The following UMODL1 variants were observed in gnomAD, a reference collection of about 807,000 sequenced individuals.
UMODL1 encodes uromodulin like 1.
A neutral mutation model predicts 136.3 loss-of-function variants in UMODL1; 128 were observed. The observed-to-expected ratio is 0.94, with a 90% confidence interval of 0.81 to 1.09. UMODL1 has a LOEUF of 1.09. Among genes scored for constraint, UMODL1 ranks in the 50% least tolerant of loss-of-function variants. The pLI is 0.00. For synonymous variants in UMODL1, 721 were observed against 720.0 expected (o/e 1.00, Z -0.02); for missense variants, 1,766 against 1,725.6 (o/e 1.02, Z -0.41).
chr21:42,082,160 C>A (rs1335267299), intron 2 of UMODL1, among the ~76,000 whole-genome samples: 1 of 152,200 alleles, frequency 6.6e-6, no homozygotes, highest in African/African-American at 2.4e-5. Flanking sequence ...TCTGCATATT[C>A]CGTGACTCTG....
At chr21:42,080,591 A>G (rs547671425) in intron 2 of UMODL1, among the ~76,000 whole-genome samples, 10 of 152,390 alleles carry the variant, frequency 6.6e-5, no homozygotes, top group Non-Finnish European at 1.0e-4. Flanking sequence ...GAATGCGATG[A>G]CAACTGGTGC....
chr21:42,085,737 C>G lies in UMODL1; in HGVS notation c.603+325C>G, dbSNP rs542261228. On this transcript the variant is annotated intron_variant, in intron 4 of 22. Transcript: ENST00000408910. This position sits in a 1 kb window ranked among gnomAD's most constrained non-coding sequence, Gnocchi z 4.5. Reference sequence around the variant, plus strand: ...GCAGTCCCAGCAAAGACAGCCTAAGCCCCGAGCTCTTCCCTCACCACCCTC... The same window carrying G: ...GCAGTCCCAGCAAAGACAGCCTAAGGCCCGAGCTCTTCCCTCACCACCCTC... Among the ~76,000 whole-genome samples, 1 of 152,174 alleles carries G rather than the reference C, an allele frequency of 6.6e-6. No individual in the cohort carries two copies.
rs1185083953 is a variant in UMODL1, at chr21:42,074,194, C to T, written c.77-1811C>T. ...CTGCAGGAGTCTCTGCTCCGGGCCT[C>T]CAGCTTCTGGAGCTGCTGGCAATCT... On this transcript the variant is annotated intron_variant, in intron 1 of 22. Transcript: ENST00000408910. 1.9e-4 allele frequency among the ~76,000 whole-genome samples: 29 copies of T among 152,192 alleles called. 2 individuals are homozygous for T. Among genetic ancestry groups the T allele is most frequent in the Admixed American group, 1.9e-3 (29 of 15,278 alleles).
chr21:42,099,205 C>A lies in UMODL1; in HGVS notation c.1186+25C>A, dbSNP rs761207273. On this transcript the variant is annotated intron_variant, in intron 7 of 22. Transcript: ENST00000408910. This position sits in a 1 kb window ranked among gnomAD's most constrained non-coding sequence, Gnocchi z 4.1. ...AGTAAGGCCCCCAGTCAGAGACCCA[C>A]GTTAGCTTGCGAGCTTGTCTTTCTA... 6.2e-7 allele frequency: 1 copy of A among 1,602,584 alleles called. No homozygotes were observed.
chr21:42,136,140 T>A (rs942409730), intron 21 of UMODL1, among the ~76,000 whole-genome samples: 4 of 152,064 alleles, frequency 2.6e-5, no homozygotes, highest in African/African-American at 9.7e-5. Flanking sequence ...CCTGGGCTCA[T>A]AGGGGCCAGC....
chr21:42,134,231 CAT>C (rs1444183105), intron 21 of UMODL1, among the ~76,000 whole-genome samples: 5 of 152,338 alleles, frequency 3.3e-5, no homozygotes, highest in Middle Eastern at 3.4e-3. Context: ...CAGTTCAACA[CAT>C]AGGTAACCCT....
chr21:42,095,300 G>T (rs1453796840), intron 6 of UMODL1, among the ~76,000 whole-genome samples: 2 of 151,788 alleles, frequency 1.3e-5, no homozygotes, highest in Admixed American at 6.6e-5. Flanking sequence ...TTGCTATATT[G>T]CCCAGGCTGG....
Position 42,137,436 on chromosome 21 carries a change from G to T in UMODL1, c.3776-3G>T. ...TCTCACCTGTGCCTGTCTCCTCCCC[G>T]AGGTGAGCCTCCTCATGCAGAAGCA... On this transcript the variant is annotated splice_polypyrimidine_tract_variant and splice_region_variant and intron_variant, in intron 21 of 22. Coordinates refer to ENST00000408910, the MANE Select transcript of UMODL1 (RefSeq NM_001004416.3). 1 of 1,613,900 alleles carries T rather than the reference G, an allele frequency of 6.2e-7. No homozygotes were observed. Among genetic ancestry groups the T allele is most frequent in the Admixed American group, 1.7e-5 (1 of 60,022 alleles).
intron 2 of UMODL1, among the ~76,000 whole-genome samples, chr21:42,079,564 C>T (rs1407145672): frequency 1.3e-5 from 2 of 152,152 alleles, no homozygotes; most frequent in African/African-American, 4.8e-5. Context: ...CTAGAAGGCT[C>T]ACTCTGGCAC....
rs1024407870 is a variant in UMODL1, at chr21:42,085,617, A to G, written c.603+205A>G. ...ATTTACATGCAACAAAATGCACACA[A>G]CTGAAGCGTGTAGTTGGCTGAGTTG... On this transcript the variant is annotated intron_variant, in intron 4 of 22. Coordinates refer to ENST00000408910, the MANE Select transcript of UMODL1 (RefSeq NM_001004416.3). The surrounding 1 kb of genome is among the most constrained non-coding windows in gnomAD (Gnocchi z 4.5). 8.4e-6 allele frequency: 6 copies of G among 716,728 alleles called. No homozygotes were observed. Among genetic ancestry groups the G allele is most frequent in the Non-Finnish European group, 1.3e-5 (6 of 446,246 alleles). The allele number at this position is 716,728 out of a possible 1,614,324, so 44.4% of individuals were successfully genotyped here.
intron 21 of UMODL1, among the ~76,000 whole-genome samples, chr21:42,136,135 G>A (rs1207994047): frequency 1.3e-5 from 2 of 152,178 alleles, no homozygotes; most frequent in East Asian, 3.9e-4. Flanking sequence ...CTCCCCCTGG[G>A]CTCATAGGGG....
chr21:42,121,367 A>AAGTG, intron 16 of UMODL1, 143 bp downstream of exon 16: 2 of 834,422 alleles, frequency 2.4e-6, no homozygotes, highest in Non-Finnish European at 3.6e-6. Context: ...ATGTGGGTGC[A>AAGTG]CGTGTGTGTG....
Position 42,111,667 on chromosome 21 carries a change from G to A in UMODL1, c.2061G>A (p.Leu687=), listed in dbSNP as rs766718047. The change falls in exon 12 of 23, where the codon CTG becomes CTA. Residue 687 remains leucine (L), a synonymous_variant. Transcript: ENST00000408910. ...EDSGPSGSVD[L]PLTSTLTALK... The stretch of plus-strand genomic sequence containing the variant: ...GTGGACCCTCCGGTTCTGTAGACCT[G>A]CCATTGACCTCCACCCTCACAGCTC... 1.7e-5 allele frequency: 27 copies of A among 1,613,780 alleles called. No individual in the cohort carries two copies.
In UMODL1 at chr21:42,099,939, G is replaced by T. The variant is rs567195199; in HGVS notation, c.1186+759G>T. Among the ~76,000 whole-genome samples the T allele has an allele frequency of 2.0e-4, 31 of 152,288 alleles. No individual in the cohort carries two copies. Among genetic ancestry groups the T allele is most frequent in the Middle Eastern group, 6.8e-3 (2 of 294 alleles). On this transcript the variant is annotated intron_variant, in intron 7 of 22. Coordinates refer to ENST00000408910, the MANE Select transcript of UMODL1 (RefSeq NM_001004416.3). The surrounding 1 kb of genome is among the most constrained non-coding windows in gnomAD (Gnocchi z 4.1). ...CAAGTGATCTCAGGAGGCAACTTTT[G>T]TCTCCAAAACACACACGACACACAC...
In UMODL1 at chr21:42,127,710, A is replaced by G; in HGVS notation, c.3569A>G (p.Asn1190Ser). Residue 1190 changes from asparagine (N) to serine (S), a missense_variant, in exon 20 of 23, where the codon AAC becomes AGC. Coordinates refer to ENST00000408910, the MANE Select transcript of UMODL1 (RefSeq NM_001004416.3). ...AACACATACACCAACGTGATTGAGA[A>G]CGGCAACTCCAATAAGGCCCAGTTC... The part of the protein sequence containing the change: ...VPNTYTNVIE[N>S]GNSNKAQFKL... 1 of 1,614,166 alleles carries G rather than the reference A, an allele frequency of 6.2e-7. No individual in the cohort carries two copies. Among genetic ancestry groups the G allele is most frequent in the Non-Finnish European group, 8.5e-7 (1 of 1,180,026 alleles).
At chr21:42,091,831 A>AC (rs2066495547) in intron 6 of UMODL1, among the ~76,000 whole-genome samples, 1 of 152,188 alleles carries the variant, frequency 6.6e-6, no homozygotes, top group African/African-American at 2.4e-5. Context: ...TGGGCTGCAT[A>AC]CGTGAGTCCA....
chr21:42,092,524 G>A (rs1432842325), intron 6 of UMODL1, among the ~76,000 whole-genome samples: 1 of 152,150 alleles, frequency 6.6e-6, no homozygotes, highest in Non-Finnish European at 1.5e-5. Context: ...ATTGGTGGTT[G>A]AAAACTAGTG....
At chr21:42,089,081 AT>A (rs2066461059) in intron 5 of UMODL1, among the ~76,000 whole-genome samples, 1 of 152,162 alleles carries the variant, frequency 6.6e-6, no homozygotes, top group African/African-American at 2.4e-5. Flanking sequence ...GATAGTAAAT[AT>A]TTTTGGCTTT....
intron 4 of UMODL1, among the ~76,000 whole-genome samples, chr21:42,088,042 G>C (rs1028540931): frequency 1.3e-5 from 2 of 152,220 alleles, no homozygotes; most frequent in African/African-American, 4.8e-5. Flanking sequence ...TGGAGGTTAG[G>C]ACTTCAACAT....
Sources: allele counts gnomAD v4.1 joint callset (sites outside exome capture counted in the v4.1 genomes callset), GRCh38; gene constraint gnomAD v4.1.1; non-coding constraint Gnocchi (gnomAD v3.1); transcripts MANE v1.5; gene names NCBI Gene and HGNC (gene_info 2026-07-23, HGNC 2026-07-21).